The following UBAP1L variants were observed in gnomAD, a reference collection of about 807,000 sequenced individuals.
UBAP1L encodes ubiquitin-associated protein 1-like.
In UBAP1L, 32 loss-of-function variants were observed where a neutral mutation model predicts 32.1. The ratio of observed to expected loss-of-function variants is 1.00; its 90% CI spans 0.75 to 1.34. The LOEUF (loss-of-function observed/expected upper bound fraction) is 1.34. Among genes scored for constraint, UBAP1L ranks in the 40% most tolerant of loss-of-function variants. The probability of loss-of-function intolerance (pLI) is 0.00; values close to 1 mark genes in which losing one functional copy is unlikely to be tolerated. For synonymous variants in UBAP1L, 243 were observed against 250.2 expected (o/e 0.97, Z 0.27); for missense variants, 516 against 540.5 (o/e 0.95, Z 0.45).
chr15:65,108,289 A>C (rs957625176), intron 1 of UBAP1L, among the ~76,000 whole-genome samples: 1 of 152,164 alleles, frequency 6.6e-6, no homozygotes, highest in African/African-American at 2.4e-5. Flanking sequence ...GGGGAAAAAA[A>C]AAAACAAAAA....
At chr15:65,099,311 T>C (rs556049216) in intron 4 of UBAP1L, 194 bp downstream of exon 4, 25 of 596,308 alleles carry the variant, frequency 4.2e-5, no homozygotes, top group African/African-American at 9.3e-5. Context: ...CAATGACTGA[T>C]TGAGGCAGGG....
At chr15:65,105,777 C>T in intron 2 of UBAP1L, 2 of 698,026 alleles carry the variant, frequency 2.9e-6, no homozygotes, top group South Asian at 2.7e-5. Context: ...GATAGAAGGT[C>T]GGTGGCCCAA....
Position 65,102,484 on chromosome 15 carries a change from C to T in UBAP1L, c.321G>A (p.Glu107=). Residue 107 remains glutamate, a synonymous_variant, in exon 3 of 6, where the codon GAG becomes GAA. Coordinates refer to ENST00000559089, the MANE Select transcript of UBAP1L (RefSeq NM_001163692.2). This position sits in a 1 kb window ranked among gnomAD's most constrained non-coding sequence, Gnocchi z 5.0. ...AGGCTTCTGCCTCGTCCTCACCCTC[C>T]TCCTCCGGCCTCTCCTGGTGTCCGG... is the stretch of plus-strand genomic sequence containing the variant. ...PEAGHQERPE[E]EGEDEAEASS... is the part of the protein sequence containing the mutation. 1 of 1,442,980 alleles carries T rather than the reference C, an allele frequency of 6.9e-7. No homozygotes were observed. Among genetic ancestry groups the T allele is most frequent in the Non-Finnish European group, 9.1e-7 (1 of 1,096,894 alleles). 89.4% of individuals were successfully genotyped at this position (1,442,980 alleles called of 1,614,324 possible).
chr15:65,098,957 T>C (rs1260346047), intron 4 of UBAP1L: 1 of 152,330 alleles, frequency 6.6e-6, no homozygotes, highest in Non-Finnish European at 1.5e-5. Context: ...TTGGGCACTT[T>C]GGGGGCCCTC....
intron 4 of UBAP1L, 159 bp downstream of exon 4, chr15:65,099,346 C>G: frequency 2.7e-6 from 2 of 735,996 alleles, no homozygotes; most frequent in Non-Finnish European, 4.4e-6. Flanking sequence ...CCATCTCAGC[C>G]CCACTTAGGA....
At chr15:65,099,817 G>A (rs978878479) in intron 3 of UBAP1L, 103 bp from the exon 4 acceptor site, 1 of 953,550 alleles carries the variant, frequency 1.0e-6, no homozygotes, top group African/African-American at 1.6e-5. Context: ...TCTGTACAGA[G>A]TGTAGGGGCT....
intron 2 of UBAP1L, 142 bp downstream of exon 2, chr15:65,105,954 C>T (rs1327194396): frequency 1.1e-5 from 14 of 1,226,546 alleles, no homozygotes; most frequent in Non-Finnish European, 1.6e-5. Flanking sequence ...CCACACCCAG[C>T]TAATTTTTTG....
intron 4 of UBAP1L, chr15:65,095,900 C>T (rs922932730): frequency 3.9e-5 from 6 of 152,244 alleles, no homozygotes; most frequent in African/African-American, 1.4e-4. Flanking sequence ...CGAGGTACTG[C>T]CCAGTACAGC....
At chr15:65,105,892 A>T in intron 2 of UBAP1L, 3 of 737,472 alleles carry the variant, frequency 4.1e-6, no homozygotes, top group South Asian at 1.6e-5. Context: ...CTGGATTCAA[A>T]CAATTCTCAT....
chr15:65,107,802 T>A (rs1368714236), intron 1 of UBAP1L, among the ~76,000 whole-genome samples: 3 of 151,494 alleles, frequency 2.0e-5, no homozygotes, highest in African/African-American at 7.3e-5. Flanking sequence ...TATAGTTCTC[T>A]AGGACTAAAT....
At chr15:65,099,381 C>G (rs1200764220) in intron 4 of UBAP1L, 124 bp downstream of exon 4, 3 of 1,036,686 alleles carry the variant, frequency 2.9e-6, no homozygotes, top group Non-Finnish European at 4.2e-6. Context: ...CATAGATGCT[C>G]CAGAGCTGTG....
chr15:65,102,691 A>C lies in UBAP1L; in HGVS notation c.121-7T>G, dbSNP rs1438204759. On this transcript the variant is annotated splice_polypyrimidine_tract_variant and splice_region_variant and intron_variant, in intron 2 of 5. Transcript: ENST00000559089. The surrounding 1 kb of genome is among the most constrained non-coding windows in gnomAD (Gnocchi z 5.0). ...TCTCCAGGCTGAAGTCGTGCTGCGG[A>C]AAGAAGGCGACGTAAAGCCCAGGGC... The C allele has an allele frequency of 1.5e-5, 23 of 1,544,602 alleles. No homozygotes were observed. Among genetic ancestry groups the C allele is most frequent in the Non-Finnish European group, 1.8e-5 (21 of 1,146,400 alleles).
At chr15:65,109,386 G>A (rs563259181) in intron 1 of UBAP1L, among the ~76,000 whole-genome samples, 1,886 of 150,108 alleles carry the variant, frequency 0.013, 42 homozygotes, top group African/African-American at 0.044. Context: ...AGGAGGCTGA[G>A]GCAGGAGAAT....
intron 1 of UBAP1L, among the ~76,000 whole-genome samples, chr15:65,112,271 C>T (rs1039136668): frequency 6.6e-6 from 1 of 152,028 alleles, no homozygotes; most frequent in South Asian, 2.1e-4. Context: ...GGAAGCAGTA[C>T]GAAGTAAAAT....
chr15:65,096,167 T>C (rs2087171528), intron 4 of UBAP1L: 1 of 152,308 alleles, frequency 6.6e-6, no homozygotes, highest in Admixed American at 6.5e-5. Context: ...CAAGGATGGA[T>C]GGTGGACGCT....
intron 1 of UBAP1L, among the ~76,000 whole-genome samples, chr15:65,109,786 A>G (rs542729728): frequency 6.6e-6 from 1 of 152,226 alleles, no homozygotes; most frequent in South Asian, 2.1e-4. Context: ...ACATACAACC[A>G]TTAATTTAAG....
rs902412336 is a variant in UBAP1L at position 65,094,200 on chromosome 15, G to A, written c.1011+275C>T. 3.3e-5 allele frequency among the ~76,000 whole-genome samples: 5 copies of A among 152,172 alleles called. No individual in the cohort carries two copies. Among genetic ancestry groups the A allele is most frequent in the African/African-American group, 1.2e-4 (5 of 41,432 alleles). On this transcript the variant is annotated intron_variant, in intron 5 of 5. Coordinates refer to ENST00000559089, the MANE Select transcript of UBAP1L (RefSeq NM_001163692.2). This position sits in a 1 kb window ranked among gnomAD's most constrained non-coding sequence, Gnocchi z 4.2. The stretch of plus-strand genomic sequence containing the variant: ...GCCATTCAGTCACAGAGGCTGTGTT[G>A]ATTAAGTCTAATAAAGCAAAACCCC...
At chr15:65,112,023 A>G (rs983137026) in intron 1 of UBAP1L, among the ~76,000 whole-genome samples, 1 of 152,222 alleles carries the variant, frequency 6.6e-6, no homozygotes, top group Non-Finnish European at 1.5e-5. Context: ...AAAGTATTCT[A>G]AAATGAGGGT....
In UBAP1L at chr15:65,106,311, A is replaced by T; in HGVS notation, c.-96T>A. 1 of 1,331,998 alleles carries T rather than the reference A, an allele frequency of 7.5e-7. No homozygotes were observed. Among genetic ancestry groups the T allele is most frequent in the South Asian group, 1.7e-5 (1 of 60,298 alleles). The allele number at this position is 1,331,998 out of a possible 1,614,324, so 82.5% of individuals were successfully genotyped here. On this transcript the variant is annotated 5_prime_UTR_variant, in exon 2 of 6. In the 5' UTR this introduces an upstream ATG that the reference lacks. Transcript: ENST00000559089. ...TCCTGAGGACCAGGCTCAGGCCTCA[A>T]ATGGCCTCACTGCTCTCCTGTGTGG...
Sources: allele counts gnomAD v4.1 joint callset (sites outside exome capture counted in the v4.1 genomes callset), GRCh38; gene constraint gnomAD v4.1.1; non-coding constraint Gnocchi (gnomAD v3.1); transcripts MANE v1.5; gene names NCBI Gene and HGNC (gene_info 2026-07-23, HGNC 2026-07-21).